Variants in TUBGCP3 observed in about 807,000 individuals in gnomAD.
The protein encoded by TUBGCP3 is gamma-tubulin complex component 3.
A neutral mutation model predicts 123.1 loss-of-function variants in TUBGCP3; 50 were observed. The observed-to-expected ratio is 0.41, with a 90% CI of 0.32 to 0.51. The LOEUF (loss-of-function observed/expected upper bound fraction) is 0.51, where lower values mean the gene tolerates loss of function less well. Among genes scored for constraint, TUBGCP3 ranks in the 20% least tolerant of loss-of-function variants. The pLI is 0.36. For synonymous variants in TUBGCP3, 405 were observed against 413.9 expected, an observed-to-expected ratio of 0.98 and a Z score of 0.26; for missense variants, 882 against 1,127.0, an observed-to-expected ratio of 0.78 and a Z score of 3.11.
intron 19 of TUBGCP3, among the ~76,000 whole-genome samples, chr13:112,499,607 A>T (rs1204712888): frequency 1.3e-5 from 2 of 152,202 alleles, no homozygotes; most frequent in Non-Finnish European, 2.9e-5. Flanking sequence ...TTTTAGATAT[A>T]GCAAAAGCAG....
intron 20 of TUBGCP3, among the ~76,000 whole-genome samples, chr13:112,494,803 C>T (rs1880416990): frequency 6.6e-6 from 1 of 152,216 alleles, no homozygotes; most frequent in African/African-American, 2.4e-5. Context: ...TTTTGATCTG[C>T]ATTTCTTTGA....
At chr13:112,586,330 T>A (rs1882607422) in intron 1 of TUBGCP3, among the ~76,000 whole-genome samples, 1 of 152,100 alleles carries the variant, frequency 6.6e-6, no homozygotes, top group South Asian at 2.1e-4. Context: ...TGGGAATGTA[T>A]GAATGTGTGG....
At chr13:112,500,493 G>T (rs999194837) in intron 19 of TUBGCP3, among the ~76,000 whole-genome samples, 1 of 152,142 alleles carries the variant, frequency 6.6e-6, no homozygotes, top group Non-Finnish European at 1.5e-5. Context: ...TAAAAAATAT[G>T]CGCCAAGAAA....
intron 1 of TUBGCP3, among the ~76,000 whole-genome samples, chr13:112,575,167 G>A (rs1441390868): frequency 6.6e-6 from 1 of 152,188 alleles, no homozygotes. Flanking sequence ...GCACAGAAGA[G>A]GAAGCTGGAA....
At chr13:112,501,106 T>C (rs952731370) in intron 19 of TUBGCP3, among the ~76,000 whole-genome samples, 4 of 152,214 alleles carry the variant, frequency 2.6e-5, no homozygotes, top group South Asian at 2.1e-4. Context: ...ATTTGGCAAA[T>C]GATAGAAGGA....
chr13:112,503,981 AAAG>A (rs1881103815), intron 19 of TUBGCP3, 48 bp downstream of exon 19: 4 of 1,557,196 alleles, frequency 2.6e-6, no homozygotes, highest in Non-Finnish European at 2.6e-6. Context: ...GAACCCAAGA[AAAG>A]AAGATGATTC....
rs752665087 is a variant in TUBGCP3 at position 112,588,009 on chromosome 13, G to C, written c.-29C>G. ...CGCCCGGAGCCGTGCACGGTGGTCCGGGCAGAGCCGCCACTGCCGCCGCAC... is the reference window on the plus strand; with the variant it reads ...CGCCCGGAGCCGTGCACGGTGGTCCCGGCAGAGCCGCCACTGCCGCCGCAC... On this transcript the variant is annotated 5_prime_UTR_variant, in exon 1 of 22. Transcript: ENST00000261965. The C allele has an allele frequency of 3.5e-6, 5 of 1,432,756 alleles. No homozygotes were observed. The East Asian group carries it at 1.5e-4, about 42-fold the overall frequency. 88.8% of individuals were successfully genotyped at this position (1,432,756 alleles called of 1,614,324 possible).
intron 1 of TUBGCP3, chr13:112,584,186 A>G (rs1184498606): frequency 6.6e-6 from 1 of 152,238 alleles, no homozygotes; most frequent in East Asian, 1.9e-4. Context: ...ACATTACTCT[A>G]GATGCGTGGT....
intron 16 of TUBGCP3, 143 bp downstream of exon 16, chr13:112,518,832 T>C: frequency 1.5e-6 from 1 of 670,368 alleles, no homozygotes; most frequent in Non-Finnish European, 2.6e-6. Context: ...AATTTTGGCT[T>C]AAGTATTCAT....
intron 2 of TUBGCP3, among the ~76,000 whole-genome samples, chr13:112,566,019 A>G (rs1193941741): frequency 6.6e-6 from 1 of 152,262 alleles, no homozygotes; most frequent in Non-Finnish European, 1.5e-5. Context: ...ATAAAATTCA[A>G]AATAGCTTAT....
chr13:112,516,740 T>C (rs1876166704), intron 16 of TUBGCP3, among the ~76,000 whole-genome samples, 165 bp from the exon 17 acceptor site: 1 of 152,198 alleles, frequency 6.6e-6, no homozygotes, highest in Admixed American at 6.5e-5. Flanking sequence ...ATGCCAGTTG[T>C]ACAGATGGGG....
At chr13:112,546,391 C>T (rs1270330482) in intron 10 of TUBGCP3, 1 of 154,216 alleles carries the variant, frequency 6.5e-6, no homozygotes, top group African/African-American at 2.4e-5. Context: ...GAGAAGAGGC[C>T]CCCCGGGCCT....
intron 11 of TUBGCP3, among the ~76,000 whole-genome samples, chr13:112,539,345 C>G (rs980943924): frequency 6.6e-6 from 1 of 152,154 alleles, no homozygotes; most frequent in Non-Finnish European, 1.5e-5. Flanking sequence ...CTCTTGAGCT[C>G]AAACCCACAG....
intron 11 of TUBGCP3, chr13:112,544,895 T>G (rs575506707): frequency 2.6e-5 from 4 of 152,344 alleles, no homozygotes; most frequent in African/African-American, 9.6e-5. Context: ...ACCTCACGCT[T>G]GCTTATTTGC....
chr13:112,522,882 C>T (rs1181182093), intron 13 of TUBGCP3, among the ~76,000 whole-genome samples: 1 of 152,218 alleles, frequency 6.6e-6, no homozygotes, highest in Non-Finnish European at 1.5e-5. Context: ...AAGACCAAAA[C>T]AGCACATGCA....
intron 18 of TUBGCP3, 55 bp from the exon 19 acceptor site, chr13:112,504,218 C>T: frequency 1.9e-6 from 3 of 1,610,098 alleles, no homozygotes; most frequent in Admixed American, 1.7e-5. Context: ...CCTAGTGTAG[C>T]ATCACTCATA....
In TUBGCP3 at chr13:112,545,388, C is replaced by A. The variant is rs1047544097; in HGVS notation, c.1335+311G>T. ...AAAGCAGCAGAATCTGCGATGATGA[C>A]TGCCCCAAGACTCAGGAGGCCTCGT... On this transcript the variant is annotated intron_variant, in intron 11 of 21. Transcript: ENST00000261965. The surrounding 1 kb of genome is among the most constrained non-coding windows in gnomAD (Gnocchi z 4.1). 4.0e-5 allele frequency: 12 copies of A among 299,074 alleles called. No homozygotes were observed. The Admixed American group carries it at 5.1e-4, about 13-fold the overall frequency. The allele number at this position is 299,074 out of a possible 1,614,324, so 18.5% of individuals were successfully genotyped here.
chr13:112,547,452 G>A (rs533742935), intron 10 of TUBGCP3, 168 bp downstream of exon 10: 3 of 1,172,662 alleles, frequency 2.6e-6, no homozygotes, highest in African/African-American at 1.6e-5. Context: ...ACAAAAGCAA[G>A]CCTGGATGGC....
rs1877182890 is a variant in TUBGCP3, at chr13:112,526,958, T to C, written c.1539A>G (p.Ala513=). The C allele has an allele frequency of 1.2e-6, 2 of 1,613,882 alleles. No individual in the cohort carries two copies. Among genetic ancestry groups the C allele is most frequent in the East Asian group, 4.5e-5 (2 of 44,896 alleles). The change falls in exon 13 of 22, where the codon GCA becomes GCG. Residue 513 remains alanine, a synonymous_variant. Transcript: ENST00000261965. ...TCATCATACCGTCCTGGGGTGACTC[T>C]GCAGACTTGGTCACAGCTATCATCT... The part of the protein sequence containing the change: ...TTKMIAVTKS[A]ESPQDAADLF...
Sources: gnomAD v4.1 joint callset for allele counts (sites outside exome capture counted in the v4.1 genomes callset) on GRCh38, gnomAD v4.1.1 for gene constraint, Gnocchi (gnomAD v3.1) non-coding constraint, MANE v1.5 for transcripts, NCBI Gene and HGNC (gene_info 2026-07-23, HGNC 2026-07-21) for gene names.